GUCY1A2: variants seen among roughly 807,000 people sequenced by gnomAD.
GUCY1A2 encodes the protein guanylate cyclase 1 soluble subunit alpha 2.
In GUCY1A2, 27 loss-of-function variants were observed where a neutral mutation model predicts 63.5. That is an observed-to-expected ratio of 0.43 (90% CI 0.31 to 0.59). The LOEUF is 0.59. Ranked by LOEUF, GUCY1A2 falls within the 20% of genes least tolerant of loss-of-function variation. The pLI is 0.11. For synonymous variants in GUCY1A2, 364 were observed against 343.5 expected, an observed-to-expected ratio of 1.06 and a Z score of -0.66; for missense variants, 768 against 913.3, an observed-to-expected ratio of 0.84 and a Z score of 2.05.
At chr11:106,953,828 C>A (rs1226161147) in intron 3 of GUCY1A2, among the ~76,000 whole-genome samples, 2 of 152,080 alleles carry the variant, frequency 1.3e-5, no homozygotes, top group African/African-American at 4.8e-5. Context: ...TTATAGTATT[C>A]TCTGATGGTA....
rs1204673993 is a variant in GUCY1A2, at chr11:106,723,691, C to T, written c.1837-15025G>A. Among the ~76,000 whole-genome samples, 7 of 152,136 alleles carry T rather than the reference C, an allele frequency of 4.6e-5. No homozygotes were observed. In the South Asian group the frequency reaches 8.3e-4, roughly 18 times the overall value. On this transcript the variant is annotated intron_variant, in intron 6 of 7. Coordinates refer to ENST00000526355, the MANE Select transcript of GUCY1A2 (RefSeq NM_000855.3). ...TACAAAAATTAGCTGGGCATGGTGG[C>T]GCATGCCTGTAGTCCCAGCTACTTT... is the stretch of plus-strand genomic sequence containing the variant.
chr11:106,702,896 A>G (rs536474088), intron 7 of GUCY1A2, among the ~76,000 whole-genome samples: 3 of 152,194 alleles, frequency 2.0e-5, no homozygotes, highest in Admixed American at 1.3e-4. Context: ...ATTGAGTGTC[A>G]ACTTGATTGA....
chr11:106,896,008 CAAAA>C (rs780891598), intron 4 of GUCY1A2, among the ~76,000 whole-genome samples: 1 of 113,680 alleles, frequency 8.8e-6, no homozygotes, highest in African/African-American at 3.5e-5. Context: ...GACTCTGTCT[CAAAA>C]AAAAAAAAAA....
At chr11:106,717,517 T>C (rs1863236516) in intron 6 of GUCY1A2, among the ~76,000 whole-genome samples, 1 of 152,194 alleles carries the variant, frequency 6.6e-6, no homozygotes, top group South Asian at 2.1e-4. Context: ...CAAATTTGTA[T>C]TGAAACAGTC....
intron 4 of GUCY1A2, among the ~76,000 whole-genome samples, chr11:106,874,857 G>T (rs1859728591): frequency 6.6e-6 from 1 of 151,906 alleles, no homozygotes; most frequent in Admixed American, 6.6e-5. Context: ...TTATGGATGA[G>T]AATCAAGACT....
At chr11:106,846,009 T>C (rs1311323096) in intron 4 of GUCY1A2, among the ~76,000 whole-genome samples, 2 of 151,588 alleles carry the variant, frequency 1.3e-5, no homozygotes, top group African/African-American at 4.8e-5. Context: ...GCCAAAAACA[T>C]TTAACCTAAT....
chr11:106,789,231 C>T lies in GUCY1A2; in HGVS notation c.1693-12649G>A, dbSNP rs796471558. Among the ~76,000 whole-genome samples, 9 of 152,268 alleles carry T rather than the reference C, an allele frequency of 5.9e-5. No homozygotes were observed. The East Asian group carries it at 9.7e-4, about 16-fold the overall frequency. Reference sequence around the variant, plus strand: ...TTTTCAAGTAGCTTGTCTTCAAGCTCACTAATTCTTTCTTCGGCTTGATCA... The same window carrying T: ...TTTTCAAGTAGCTTGTCTTCAAGCTTACTAATTCTTTCTTCGGCTTGATCA... On this transcript the variant is annotated intron_variant, in intron 5 of 7. Transcript: ENST00000526355.
chr11:106,945,208 C>T (rs936466348), intron 3 of GUCY1A2, among the ~76,000 whole-genome samples: 23 of 142,776 alleles, frequency 1.6e-4, no homozygotes, highest in African/African-American at 5.9e-4. Flanking sequence ...CAAGAGAAAA[C>T]AGGTAATTAA....
In GUCY1A2 at chr11:106,879,969, C is replaced by T. The variant is rs187162729; in HGVS notation, c.1206+59491G>A. On this transcript the variant is annotated intron_variant, in intron 4 of 7. Coordinates refer to ENST00000526355, the MANE Select transcript of GUCY1A2 (RefSeq NM_000855.3). The stretch of plus-strand genomic sequence containing the variant: ...ATTGTATGGCAGATGCACCTGACAG[C>T]AATGACGACTTAACCATACCCTTAG... Among the ~76,000 whole-genome samples the T allele has an allele frequency of 2.0e-5, 3 of 152,188 alleles. No homozygotes were observed. In the East Asian group the frequency reaches 5.8e-4, roughly 29 times the overall value.
rs1174268489 is a variant in GUCY1A2, at chr11:106,741,224, A to G, written c.1837-32558T>C. On this transcript the variant is annotated intron_variant, in intron 6 of 7. Transcript: ENST00000526355. The stretch of plus-strand genomic sequence containing the variant: ...TCAAACTGTAATCAAATTAAAAATC[A>G]TTAATGACTTTTTAAATATTCTTAT... 2.0e-5 allele frequency among the ~76,000 whole-genome samples: 3 copies of G among 152,238 alleles called. No individual in the cohort carries two copies. The South Asian group carries it at 6.2e-4, about 31-fold the overall frequency.
intron 6 of GUCY1A2, among the ~76,000 whole-genome samples, chr11:106,709,515 T>G (rs1478880784): frequency 2.0e-5 from 1 of 51,016 alleles, no homozygotes; most frequent in Non-Finnish European, 3.1e-5. Context: ...TATATTATTC[T>G]ATAAATATAA....
chr11:106,845,418 G>C (rs1185931942), intron 4 of GUCY1A2, among the ~76,000 whole-genome samples: 1 of 151,480 alleles, frequency 6.6e-6, no homozygotes, highest in Non-Finnish European at 1.5e-5. Flanking sequence ...TGAAGGAAAG[G>C]AGACATATCC....
At chr11:106,746,998 T>C (rs923971949) in intron 6 of GUCY1A2, among the ~76,000 whole-genome samples, 6 of 152,112 alleles carry the variant, frequency 3.9e-5, no homozygotes, top group Non-Finnish European at 7.4e-5. Context: ...TTTTTGTTTG[T>C]TTGTTTTGAG....
chr11:106,700,019 G>A (rs1268996109), intron 7 of GUCY1A2, among the ~76,000 whole-genome samples: 1 of 151,914 alleles, frequency 6.6e-6, no homozygotes, highest in Admixed American at 6.6e-5. Flanking sequence ...TCCTGACTTC[G>A]TGATCCGCCC....
intron 4 of GUCY1A2, among the ~76,000 whole-genome samples, chr11:106,851,428 C>T (rs1370199601): frequency 6.6e-6 from 1 of 151,806 alleles, no homozygotes. Context: ...TATTTGCAAA[C>T]ACTAATGTCC....
intron 3 of GUCY1A2, among the ~76,000 whole-genome samples, chr11:106,972,511 C>A (rs1358405348): frequency 1.3e-5 from 2 of 151,998 alleles, no homozygotes; most frequent in East Asian, 3.9e-4. Context: ...CAGAAAGCTG[C>A]TAGTGATAGC....
At chr11:106,908,419 T>G (rs970840821) in intron 4 of GUCY1A2, among the ~76,000 whole-genome samples, 10 of 152,046 alleles carry the variant, frequency 6.6e-5, no homozygotes, top group African/African-American at 2.4e-4. Context: ...CACAATAATA[T>G]TTATGTAAAT....
chr11:106,925,028 A>G (rs1860502992), intron 4 of GUCY1A2, among the ~76,000 whole-genome samples: 1 of 151,944 alleles, frequency 6.6e-6, no homozygotes, highest in Non-Finnish European at 1.5e-5. Flanking sequence ...ACAAAACAAA[A>G]CCATGTATCA....
chr11:106,912,247 A>G (rs1304354769), intron 4 of GUCY1A2, among the ~76,000 whole-genome samples: 1 of 152,038 alleles, frequency 6.6e-6, no homozygotes, highest in Non-Finnish European at 1.5e-5. Context: ...CCTCAAAAAT[A>G]TAAGATTAAA....
Sources: allele counts gnomAD v4.1 joint callset (sites outside exome capture counted in the v4.1 genomes callset), GRCh38; gene constraint gnomAD v4.1.1; transcripts MANE v1.5; gene names NCBI Gene and HGNC (gene_info 2026-07-23, HGNC 2026-07-21).